FGD6: variants seen among roughly 807,000 people sequenced by gnomAD.
FGD6 encodes the protein FYVE, RhoGEF and PH domain containing 6, also known as FYVE, RhoGEF and PH domain-containing protein 6.
FGD6 carries 90 observed loss-of-function variants against 149.4 expected under a neutral mutation model. That is an observed-to-expected ratio of 0.60 (90% CI 0.51 to 0.72). FGD6 has a LOEUF of 0.72. Among genes scored for constraint, FGD6 ranks in the 30% least tolerant of loss-of-function variants. FGD6 has a pLI of 0.00. For missense variants in FGD6, 1,437 were observed against 1,684.8 expected (o/e 0.85, Z 2.57); for synonymous variants, 527 against 584.0 (o/e 0.90, Z 1.41).
intron 2 of FGD6, among the ~76,000 whole-genome samples, chr12:95,208,354 A>G (rs1035891994): frequency 6.6e-6 from 1 of 152,188 alleles, no homozygotes; most frequent in Non-Finnish European, 1.5e-5. Context: ...GTCAGCAATT[A>G]GCCATCAACA....
chr12:95,123,946 C>T (rs1480644842), intron 8 of FGD6, among the ~76,000 whole-genome samples: 1 of 151,134 alleles, frequency 6.6e-6, no homozygotes, highest in Non-Finnish European at 1.5e-5. Context: ...ACAGGGTTTC[C>T]CTCTGTTGCC....
intron 14 of FGD6, among the ~76,000 whole-genome samples, chr12:95,095,665 CTG>C (rs1023751921): frequency 5.3e-5 from 8 of 151,640 alleles, no homozygotes; most frequent in African/African-American, 1.7e-4. Flanking sequence ...GGGATTGTGA[CTG>C]TGTTAAAAAA....
intron 14 of FGD6, among the ~76,000 whole-genome samples, chr12:95,103,469 A>G (rs778437251): frequency 9.9e-5 from 15 of 152,194 alleles, no homozygotes; most frequent in Non-Finnish European, 2.1e-4. Context: ...GCAACATATT[A>G]AGTCACTGCA....
chr12:95,105,198 C>T (rs1878573245), intron 13 of FGD6, 112 bp from the exon 14 acceptor site: 1 of 865,836 alleles, frequency 1.2e-6, no homozygotes. Context: ...TCTTCCTATC[C>T]AGCTTTCTCT....
intron 14 of FGD6, among the ~76,000 whole-genome samples, chr12:95,097,738 G>T (rs1267243726): frequency 6.7e-6 from 1 of 149,078 alleles, no homozygotes; most frequent in African/African-American, 2.5e-5. Context: ...ACTTTGATTT[G>T]TGAGTAACGC....
chr12:95,139,451 AT>A (rs1800210830), intron 6 of FGD6, among the ~76,000 whole-genome samples: 1 of 151,792 alleles, frequency 6.6e-6, no homozygotes, highest in African/African-American at 2.4e-5. Context: ...AAAAAAAAAA[AT>A]CGGAAGCAAA....
chr12:95,126,490 A>C lies in FGD6; in HGVS notation c.3082+8249T>G, dbSNP rs896453532. ...ACGCCTGTAATCCCAGTACCGTGGG[A>C]GGCTGAGGCAGGTGGATCACTTGAG... On this transcript the variant is annotated intron_variant, in intron 8 of 20. Transcript: ENST00000343958. The C allele has an allele frequency of 8.8e-6, 5 of 569,824 alleles. No individual in the cohort carries two copies. In the Admixed American group the frequency reaches 1.9e-4, roughly 22 times the overall value. The allele number at this position is 569,824 out of a possible 1,614,324, so 35.3% of individuals were successfully genotyped here. A position where few individuals can be genotyped will look rare whatever the true frequency, so the allele number is the denominator to read the frequency against.
intron 8 of FGD6, among the ~76,000 whole-genome samples, chr12:95,124,329 C>A (rs187887336): frequency 4.6e-5 from 7 of 152,248 alleles, no homozygotes; most frequent in African/African-American, 1.7e-4. Flanking sequence ...GAAGCTGTTA[C>A]CCATATTTGG....
At chr12:95,194,586 C>T (rs1881689276) in intron 2 of FGD6, among the ~76,000 whole-genome samples, 1 of 136,476 alleles carries the variant, frequency 7.3e-6, no homozygotes. Context: ...TAGTGGTTGC[C>T]AGGGGTTGAC....
At chr12:95,129,265 A>C (rs528815924) in intron 8 of FGD6, among the ~76,000 whole-genome samples, 1 of 151,960 alleles carries the variant, frequency 6.6e-6, no homozygotes. Context: ...TTATTAATCC[A>C]TCCGTCCATG....
intron 9 of FGD6, 120 bp downstream of exon 9, chr12:95,113,531 T>A: frequency 2.6e-6 from 2 of 779,836 alleles, no homozygotes; most frequent in Non-Finnish European, 4.2e-6. Flanking sequence ...CCACCGCACC[T>A]GCCCTTCAAG....
At chr12:95,194,904 G>A (rs1881699118) in intron 2 of FGD6, among the ~76,000 whole-genome samples, 1 of 151,944 alleles carries the variant, frequency 6.6e-6, no homozygotes, top group African/African-American at 2.4e-5. Context: ...CAGTTATATC[G>A]ATAAACATTT....
At chr12:95,091,016 C>G (rs147552610) in intron 17 of FGD6, among the ~76,000 whole-genome samples, 1 of 152,166 alleles carries the variant, frequency 6.6e-6, no homozygotes, top group East Asian at 1.9e-4. Flanking sequence ...GTACGAGAAT[C>G]GCTTGAACCC....
chr12:95,213,688 G>A (rs2056738956), intron 1 of FGD6, among the ~76,000 whole-genome samples: 1 of 152,126 alleles, frequency 6.6e-6, no homozygotes, highest in South Asian at 2.1e-4. Flanking sequence ...TTTAAAAAAT[G>A]CGTTTTGTAC....
chr12:95,197,405 C>T (rs1881759653), intron 2 of FGD6, among the ~76,000 whole-genome samples: 1 of 152,084 alleles, frequency 6.6e-6, no homozygotes, highest in African/African-American at 2.4e-5. Flanking sequence ...TGCACTACAG[C>T]CTGGGCAACA....
chr12:95,100,081 T>C (rs1490791829), intron 14 of FGD6, among the ~76,000 whole-genome samples: 1 of 135,010 alleles, frequency 7.4e-6, no homozygotes, highest in African/African-American at 2.7e-5. Flanking sequence ...CCCATATAAG[T>C]TCTTGACCTC....
At chr12:95,137,035 T>C (rs887032102) in intron 7 of FGD6, among the ~76,000 whole-genome samples, 1 of 152,186 alleles carries the variant, frequency 6.6e-6, no homozygotes, top group Admixed American at 6.5e-5. Flanking sequence ...CCCAGCACTT[T>C]GGGAGGCCGA....
intron 20 of FGD6, among the ~76,000 whole-genome samples, chr12:95,081,967 C>T (rs984553750): frequency 1.3e-5 from 2 of 152,070 alleles, no homozygotes; most frequent in Non-Finnish European, 2.9e-5. Flanking sequence ...CCACCGTGAC[C>T]GGCCAGTAAG....
At chr12:95,135,968 G>C (rs1395669534) in intron 7 of FGD6, among the ~76,000 whole-genome samples, 3 of 152,234 alleles carry the variant, frequency 2.0e-5, no homozygotes, top group African/African-American at 4.8e-5. Context: ...AAAGACAACA[G>C]AGGAGAGGAA....
Sources: allele counts gnomAD v4.1 joint callset (sites outside exome capture counted in the v4.1 genomes callset), GRCh38; gene constraint gnomAD v4.1.1; transcripts MANE v1.5; gene names NCBI Gene and HGNC (gene_info 2026-07-23, HGNC 2026-07-21).